Variants in VGLL4 observed in about 807,000 individuals in gnomAD.
VGLL4 encodes vestigial like family member 4.
VGLL4 carries 7 observed loss-of-function variants against 21.0 expected under a neutral mutation model. That is an observed-to-expected ratio of 0.33 (90% confidence interval 0.19 to 0.63). The LOEUF (loss-of-function observed/expected upper bound fraction) is 0.63. Among genes scored for constraint, VGLL4 ranks in the 20% least tolerant of loss-of-function variants. The probability of loss-of-function intolerance (pLI) is 0.78; values close to 1 mark genes in which losing one functional copy is unlikely to be tolerated. For missense variants in VGLL4, 394 were observed against 425.7 expected, an observed-to-expected ratio of 0.93 and a Z score of 0.66; for synonymous variants, 222 against 173.2, an observed-to-expected ratio of 1.28 and a Z score of -2.21.
rs943559957 is a variant in VGLL4 at position 11,568,982 on chromosome 3, C to A, written c.273-3963G>T. 5 of 1,131,722 alleles carry A rather than the reference C, an allele frequency of 4.4e-6. No homozygotes were observed. The highest frequency in any genetic ancestry group is 1.6e-5 in the African/African-American group (1 of 61,864). 70.1% of individuals were successfully genotyped at this position (1,131,722 alleles called of 1,614,324 possible). On this transcript the variant is annotated intron_variant, in intron 2 of 4. Coordinates refer to ENST00000430365, the MANE Select transcript of VGLL4 (RefSeq NM_001128219.3). The surrounding 1 kb of genome is among the most constrained non-coding windows in gnomAD (Gnocchi z 5.9). ...GAAAGAGGAGGGAGGGAAAGAGAGG[C>A]CTACAACACCATCATCCAGGACAGA...
At chr3:11,630,807 A>C (rs2075460011) in intron 1 of VGLL4, among the ~76,000 whole-genome samples, 2 of 152,204 alleles carry the variant, frequency 1.3e-5, no homozygotes. Context: ...CTAAGTATTT[A>C]CCCAAAAGAA....
At chr3:11,634,553 C>A (rs1035120789) in intron 1 of VGLL4, among the ~76,000 whole-genome samples, 5 of 152,184 alleles carry the variant, frequency 3.3e-5, no homozygotes, top group South Asian at 2.1e-4. Context: ...TTTTAGTGCT[C>A]ATCAGCCTGC....
chr3:11,592,097 CAGAA>C (rs2074513536), intron 2 of VGLL4, among the ~76,000 whole-genome samples: 2 of 152,192 alleles, frequency 1.3e-5, no homozygotes, highest in African/African-American at 4.8e-5. Flanking sequence ...GGAGGCGTGG[CAGAA>C]AGAAAGAGCA....
At chr3:11,569,446 A>G (rs1450309950) in intron 2 of VGLL4, among the ~76,000 whole-genome samples, 1 of 152,182 alleles carries the variant, frequency 6.6e-6, no homozygotes, top group African/African-American at 2.4e-5. Context: ...CCCAAAAACC[A>G]ACATCCTGAG....
chr3:11,582,447 G>A, intron 2 of VGLL4: 2 of 1,386,404 alleles, frequency 1.4e-6, no homozygotes, highest in Non-Finnish European at 2.0e-6. Flanking sequence ...GCGAGGTAAG[G>A]GGCCTGCTTG....
chr3:11,634,649 A>C (rs1381958569), intron 1 of VGLL4, among the ~76,000 whole-genome samples: 1 of 147,772 alleles, frequency 6.8e-6, no homozygotes, highest in Non-Finnish European at 1.5e-5. Flanking sequence ...GTGCACCAGC[A>C]CCTTATTTCT....
At chr3:11,644,409 T>C (rs1575489283), upstream of VGLL4, among the ~76,000 whole-genome samples, 1 of 152,086 alleles carries the variant, frequency 6.6e-6, no homozygotes, top group African/African-American at 2.4e-5. Context: ...ATAATCCCCA[T>C]AACAACTGAG....
intron 2 of VGLL4, among the ~76,000 whole-genome samples, chr3:11,682,404 CAAAAAAAAAAAAA>C (rs34428676): frequency 3.2e-5 from 2 of 62,194 alleles, no homozygotes; most frequent in Non-Finnish European, 5.6e-5. Context: ...GACCCTGTCT[CAAAAAAAAAAAAA>C]AAAAAAAAAA....
At chr3:11,579,135 A>G (rs2074151011) in intron 2 of VGLL4, among the ~76,000 whole-genome samples, 1 of 151,672 alleles carries the variant, frequency 6.6e-6, no homozygotes, top group African/African-American at 2.4e-5. Context: ...CTCAACATGA[A>G]CTGCCTCTGA....
chr3:11,619,165 G>A (rs537290041), intron 1 of VGLL4, among the ~76,000 whole-genome samples: 1 of 152,210 alleles, frequency 6.6e-6, no homozygotes, highest in Non-Finnish European at 1.5e-5. Context: ...TGAAAGGCTT[G>A]CCCTGCACTT....
In VGLL4 at chr3:11,653,004, T is replaced by G. The variant is rs576894901; in HGVS notation, c.64+49967A>C. Among the ~76,000 whole-genome samples, 19 of 152,344 alleles carry G rather than the reference T, an allele frequency of 1.2e-4. No individual in the cohort carries two copies. Among genetic ancestry groups the G allele is most frequent in the African/African-American group, 4.3e-4 (18 of 41,586 alleles). ...CAAGTCATAATTACTCATAGATGTA[T>G]TCCTGCAAGATTGACTAGAACTGAC... On this transcript the variant is annotated intron_variant, in intron 2 of 5. Transcript: ENST00000273038. The surrounding 1 kb of genome is among the most constrained non-coding windows in gnomAD (Gnocchi z 4.2).
chr3:11,685,619 T>C (rs1296369463), intron 2 of VGLL4, among the ~76,000 whole-genome samples: 1 of 152,224 alleles, frequency 6.6e-6, no homozygotes, highest in African/African-American at 2.4e-5. Context: ...TTATATTCCT[T>C]TGGGTATATA....
chr3:11,709,463 G>GATA (rs764025337), intron 1 of VGLL4, among the ~76,000 whole-genome samples: 139 of 140,406 alleles, frequency 9.9e-4, no homozygotes, highest in Non-Finnish European at 1.8e-3. Context: ...AAAAAAAACA[G>GATA]ATACAAAGTA....
chr3:11,578,334 G>C (rs1374508098), intron 2 of VGLL4, among the ~76,000 whole-genome samples: 1 of 152,060 alleles, frequency 6.6e-6, no homozygotes, highest in Non-Finnish European at 1.5e-5. Context: ...CAAATAATCA[G>C]ACTTCCTTTC....
Position 11,556,627 on chromosome 3 carries a change from AAC to A in VGLL4, c.*1927_*1928del, listed in dbSNP as rs1237804709. The A allele has an allele frequency of 5.9e-5, 9 of 152,326 alleles. No individual in the cohort carries two copies. The highest frequency in any genetic ancestry group is 2.2e-4 in the African/African-American group (9 of 41,278). 9.4% of individuals were successfully genotyped at this position (152,326 alleles called of 1,614,324 possible). On this transcript the variant is annotated 3_prime_UTR_variant, in exon 5 of 5. Transcript: ENST00000430365. ...AAAAAAGATCAACTTTTTTTTTCCGAACAACAAAAAAAATGAATGATTACAAT... is the reference window on the plus strand; with the variant it reads ...AAAAAAGATCAACTTTTTTTTTCCGAAACAAAAAAAATGAATGATTACAAT...
upstream of VGLL4, among the ~76,000 whole-genome samples, chr3:11,644,859 A>AAG (rs1553737812): frequency 1.4e-4 from 21 of 150,508 alleles, no homozygotes; most frequent in South Asian, 4.2e-4. Context: ...AAAAAAAAAA[A>AAG]AAAAGAAAAG....
intron 3 of VGLL4, among the ~76,000 whole-genome samples, chr3:11,564,227 C>T (rs2073311976): frequency 6.6e-6 from 1 of 152,198 alleles, no homozygotes. Flanking sequence ...GTTTATTAAG[C>T]AATCATTTAA....
chr3:11,671,222 G>A (rs1418641166), intron 2 of VGLL4: 1 of 1,559,182 alleles, frequency 6.4e-7, no homozygotes, highest in East Asian at 2.3e-5. Flanking sequence ...ATTAAGAAAT[G>A]TCAATTAAGA....
At chr3:11,680,019 G>A (rs2076347838) in intron 2 of VGLL4, among the ~76,000 whole-genome samples, 1 of 152,148 alleles carries the variant, frequency 6.6e-6, no homozygotes, top group Non-Finnish European at 1.5e-5. Flanking sequence ...GTATTTCAAT[G>A]CTTATCTTTT....
Sources: allele counts gnomAD v4.1 joint callset (sites outside exome capture counted in the v4.1 genomes callset), GRCh38; gene constraint gnomAD v4.1.1; non-coding constraint Gnocchi (gnomAD v3.1); transcripts MANE v1.5; gene names NCBI Gene and HGNC (gene_info 2026-07-23, HGNC 2026-07-21).